LHPP: variants seen among roughly 807,000 people sequenced by gnomAD.
LHPP encodes the protein hLHPP.
Under a neutral mutation model 30.3 loss-of-function variants are expected in LHPP, and 24 were observed. The ratio of observed to expected loss-of-function variants is 0.79; its 90% CI spans 0.57 to 1.11. The LOEUF (loss-of-function observed/expected upper bound fraction) is 1.11, where lower values mean the gene tolerates loss of function less well. LHPP is among the 50% of genes most tolerant of loss of function. LHPP has a pLI of 0.00. For missense variants in LHPP, 356 were observed against 367.2 expected (o/e 0.97, Z 0.25); for synonymous variants, 150 against 157.1 (o/e 0.95, Z 0.34).
rs1292452009 is a variant in LHPP, at chr10:124,478,066, C to T, written c.126-6073C>T. Among the ~76,000 whole-genome samples, 1 of 152,174 alleles carries T rather than the reference C, an allele frequency of 6.6e-6. No individual in the cohort carries two copies. Among genetic ancestry groups the T allele is most frequent in the African/African-American group, 2.4e-5 (1 of 41,438 alleles). On this transcript the variant is annotated intron_variant, in intron 1 of 6. Coordinates refer to ENST00000368842, the MANE Select transcript of LHPP (RefSeq NM_022126.4). This position sits in a 1 kb window ranked among gnomAD's most constrained non-coding sequence, Gnocchi z 4.7. ...TGATCTTGGCTCCACTGTGGTTGGGCACCAGGCATGGCAGAGGTGCTGAGC... is the reference window on the plus strand; with the variant it reads ...TGATCTTGGCTCCACTGTGGTTGGGTACCAGGCATGGCAGAGGTGCTGAGC...
chr10:124,519,035 C>T (rs1954536510), intron 6 of LHPP, among the ~76,000 whole-genome samples: 1 of 152,184 alleles, frequency 6.6e-6, no homozygotes, highest in South Asian at 2.1e-4. Context: ...GCAACCTCCG[C>T]CTCCCAGGCT....
rs137876900 is a variant in LHPP, at chr10:124,514,525, A to G, written c.625-2655A>G. Among the ~76,000 whole-genome samples, 152 of 152,292 alleles carry G rather than the reference A, an allele frequency of 1.0e-3. 1 individual carries two copies. The highest frequency in any genetic ancestry group is 3.5e-3 in the African/African-American group (146 of 41,570). On this transcript the variant is annotated intron_variant, in intron 5 of 6. Coordinates refer to ENST00000368842, the MANE Select transcript of LHPP (RefSeq NM_022126.4). ...AAAGACGGCACTCCACAGTCTTCTCACTTGCATTGTTTCCAACAAGAAATC... is the reference window on the plus strand; with the variant it reads ...AAAGACGGCACTCCACAGTCTTCTCGCTTGCATTGTTTCCAACAAGAAATC...
chr10:124,568,764 C>T (rs377296260), intron 6 of LHPP, among the ~76,000 whole-genome samples: 5 of 152,210 alleles, frequency 3.3e-5, no homozygotes, highest in Admixed American at 6.5e-5. Flanking sequence ...AGGAGGCCAG[C>T]TTTGGAGTGG....
At position 124,514,783 on chromosome 10, in the gene LHPP, T is replaced by C. The variant is rs180695344; in HGVS notation, c.625-2397T>C. Among the ~76,000 whole-genome samples, 524 of 151,854 alleles carry C rather than the reference T, an allele frequency of 3.5e-3. 3 individuals carry two copies. Among genetic ancestry groups the C allele is most frequent in the African/African-American group, 0.011 (474 of 41,414 alleles). ...TATTTCTTCAAATATATTTATGTCT[T>C]CTCTCATCTCACTTTTTTTTTTTTT... On this transcript the variant is annotated intron_variant, in intron 5 of 6. Transcript: ENST00000368842.
intron 6 of LHPP, among the ~76,000 whole-genome samples, chr10:124,565,697 C>T (rs1358781504): frequency 6.6e-6 from 1 of 152,210 alleles, no homozygotes; most frequent in East Asian, 1.9e-4. Context: ...TCTGGTATCA[C>T]TTCTTGGCAC....
At chr10:124,585,615 TAA>T (rs75542990) in intron 6 of LHPP, among the ~76,000 whole-genome samples, 7 of 136,746 alleles carry the variant, frequency 5.1e-5, no homozygotes, top group African/African-American at 1.3e-4. Context: ...ACTCTATCTC[TAA>T]AAAAAAAAAA....
intron 6 of LHPP, among the ~76,000 whole-genome samples, chr10:124,600,189 C>T (rs538450484): frequency 3.3e-4 from 50 of 152,350 alleles, no homozygotes; most frequent in Middle Eastern, 3.4e-3. Context: ...TTGTTGGTAG[C>T]GCGGCCCCTC....
intron 6 of LHPP, among the ~76,000 whole-genome samples, chr10:124,560,743 G>A (rs149886334): frequency 0.01 from 1,528 of 152,316 alleles, 21 homozygotes; most frequent in African/African-American, 0.034. Flanking sequence ...TCCTGCCGGA[G>A]GAGCCCCTCT....
intron 6 of LHPP, among the ~76,000 whole-genome samples, chr10:124,527,954 A>AT (rs1240625521): frequency 6.6e-6 from 1 of 151,918 alleles, no homozygotes; most frequent in African/African-American, 2.4e-5. Flanking sequence ...TAATTTTTAA[A>AT]TTTTTTATAA....
intron 6 of LHPP, among the ~76,000 whole-genome samples, chr10:124,524,646 C>A (rs1954688234): frequency 6.6e-6 from 1 of 152,032 alleles, no homozygotes; most frequent in Non-Finnish European, 1.5e-5. Context: ...CCAGCCTGGG[C>A]AACATAGCGA....
In LHPP at chr10:124,473,036, T is replaced by A. The variant is rs1275477615; in HGVS notation, c.125+11049T>A. 7.4e-3 allele frequency among the ~76,000 whole-genome samples: 1,122 copies of A among 152,288 alleles called. 11 individuals carry two copies. The highest frequency in any genetic ancestry group is 0.024 in the African/African-American group (1,017 of 41,544). ...GCAGGAGTAAGGTCTGCTTCTCAGT[T>A]TCTGATCTCAGCCTTGGTGGGCGGG... is the stretch of plus-strand genomic sequence containing the variant. On this transcript the variant is annotated intron_variant, in intron 1 of 6. Coordinates refer to ENST00000368842, the MANE Select transcript of LHPP (RefSeq NM_022126.4).
At chr10:124,544,339 T>C (rs1465894349) in intron 6 of LHPP, among the ~76,000 whole-genome samples, 2 of 152,222 alleles carry the variant, frequency 1.3e-5, no homozygotes, top group Non-Finnish European at 2.9e-5. Flanking sequence ...AGAATGAATA[T>C]TCCTTGGCTG....
intron 6 of LHPP, chr10:124,605,236 A>G (rs2134015739): frequency 6.6e-6 from 1 of 152,392 alleles, no homozygotes; most frequent in South Asian, 2.1e-4. Context: ...GGAATCACTG[A>G]TGACAGGCAC....
intron 4 of LHPP, among the ~76,000 whole-genome samples, 181 bp from the exon 5 acceptor site, chr10:124,497,855 C>T (rs1007328494): frequency 2.0e-5 from 3 of 152,118 alleles, no homozygotes; most frequent in East Asian, 1.9e-4. Context: ...CTGAGTGACC[C>T]GGGCAGCCCT....
intron 6 of LHPP, among the ~76,000 whole-genome samples, chr10:124,578,804 TG>T (rs35078465): frequency 0.42 from 64,587 of 152,102 alleles, 13,914 homozygotes; most frequent in Admixed American, 0.51. Flanking sequence ...CTAGGGGGCA[TG>T]GGGCCAGTGC....
intron 5 of LHPP, among the ~76,000 whole-genome samples, chr10:124,515,214 T>C (rs1477724870): frequency 6.6e-6 from 1 of 152,242 alleles, no homozygotes; most frequent in Non-Finnish European, 1.5e-5. Context: ...CTCTGTTTCA[T>C]TTTGGGCAGT....
chr10:124,508,834 A>G (rs913921037), intron 5 of LHPP, among the ~76,000 whole-genome samples: 4 of 152,190 alleles, frequency 2.6e-5, no homozygotes, highest in Admixed American at 1.3e-4. Context: ...TGCTGTTTGA[A>G]ATCTGAGTTT....
At chr10:124,474,196 G>C (rs1021592761) in intron 1 of LHPP, among the ~76,000 whole-genome samples, 1 of 137,544 alleles carries the variant, frequency 7.3e-6, no homozygotes, top group Non-Finnish European at 1.5e-5. Flanking sequence ...CTGGAGTGCA[G>C]TGGCACAATC....
chr10:124,598,277 C>T (rs372316872), intron 6 of LHPP, among the ~76,000 whole-genome samples: 211 of 152,364 alleles, frequency 1.4e-3, no homozygotes, highest in African/African-American at 4.4e-3. Flanking sequence ...GGTCAGCACC[C>T]ACAGGGGCTT....
Sources: gnomAD v4.1 joint callset for allele counts (sites outside exome capture counted in the v4.1 genomes callset) on GRCh38, gnomAD v4.1.1 for gene constraint, Gnocchi (gnomAD v3.1) non-coding constraint, MANE v1.5 for transcripts, NCBI Gene and HGNC (gene_info 2026-07-23, HGNC 2026-07-21) for gene names.